Variants in RNF4 observed in about 807,000 individuals in gnomAD.
RNF4 encodes E3 ubiquitin-protein ligase RNF4.
Under a neutral mutation model 24.3 loss-of-function variants are expected in RNF4, and 7 were observed. The ratio of observed to expected loss-of-function variants is 0.29; its 90% CI spans 0.16 to 0.54. The LOEUF is 0.54. Ranked by LOEUF, RNF4 falls within the 20% of genes least tolerant of loss-of-function variation. RNF4 has a pLI of 0.95. For missense variants in RNF4, 209 were observed against 248.5 expected (o/e 0.84, Z 1.07); for synonymous variants, 83 against 84.3 (o/e 0.98, Z 0.09).
intron 1 of RNF4, chr4:2,489,896 A>G (rs1294998509): frequency 1.3e-5 from 2 of 152,156 alleles, no homozygotes; most frequent in Non-Finnish European, 2.9e-5. Context: ...GACACACAAC[A>G]TGCTTTAGAG....
At chr4:2,509,870 G>T (rs539504773) in intron 4 of RNF4, among the ~76,000 whole-genome samples, 13 of 152,252 alleles carry the variant, frequency 8.5e-5, no homozygotes, top group Non-Finnish European at 1.8e-4. Context: ...TGTTGGAGCT[G>T]TAGAAAGCTG....
chr4:2,495,488 G>C (rs1265412035), intron 2 of RNF4, among the ~76,000 whole-genome samples: 2 of 152,194 alleles, frequency 1.3e-5, no homozygotes, highest in Non-Finnish European at 2.9e-5. Flanking sequence ...CTGCAAGGCT[G>C]GTACTGGTGA....
At chr4:2,500,823 T>G (rs1735888149) in intron 4 of RNF4, 85 bp downstream of exon 4, 6 of 1,300,486 alleles carry the variant, frequency 4.6e-6, no homozygotes, top group Non-Finnish European at 4.4e-6. Context: ...GGTCACAGAC[T>G]CCAAGTCAAG....
At chr4:2,508,736 G>C (rs1168987607) in intron 4 of RNF4, among the ~76,000 whole-genome samples, 3 of 150,954 alleles carry the variant, frequency 2.0e-5, no homozygotes, top group African/African-American at 7.3e-5. Flanking sequence ...TCAGCCTCCT[G>C]AGTAGCTGGG....
chr4:2,506,497 T>A (rs1055787088), intron 4 of RNF4, among the ~76,000 whole-genome samples: 1 of 152,086 alleles, frequency 6.6e-6, no homozygotes, highest in African/African-American at 2.4e-5. Context: ...GGTTGCTTTT[T>A]AACAGCAAAT....
chr4:2,489,337 C>CAA (rs1026106052), intron 1 of RNF4, among the ~76,000 whole-genome samples: 1 of 152,178 alleles, frequency 6.6e-6, no homozygotes, highest in African/African-American at 2.4e-5. Flanking sequence ...AGGAGGATGA[C>CAA]ACGGCACAGC....
intron 1 of RNF4, among the ~76,000 whole-genome samples, chr4:2,488,455 AAAC>A (rs765401958): frequency 8.5e-5 from 13 of 152,160 alleles, no homozygotes; most frequent in East Asian, 7.7e-4. Context: ...TCCGTCTCAA[AAAC>A]AACAACAACA....
At chr4:2,475,575 A>T (rs1295564363) in intron 1 of RNF4, among the ~76,000 whole-genome samples, 4 of 152,096 alleles carry the variant, frequency 2.6e-5, no homozygotes, top group Admixed American at 2.0e-4. Flanking sequence ...CCTGACCTCA[A>T]GATCCACCCG....
intron 1 of RNF4, among the ~76,000 whole-genome samples, chr4:2,482,759 A>C (rs2081188926): frequency 6.6e-6 from 1 of 152,164 alleles, no homozygotes; most frequent in South Asian, 2.1e-4. Flanking sequence ...GCTTTGATCA[A>C]ATTCATTCCT....
chr4:2,474,177 C>T (rs1284934140), intron 1 of RNF4, among the ~76,000 whole-genome samples: 2 of 151,694 alleles, frequency 1.3e-5, no homozygotes, highest in African/African-American at 4.9e-5. Flanking sequence ...AGATTGAAAC[C>T]ATCCTGGCTA....
chr4:2,511,816 G>C, intron 4 of RNF4, 140 bp from the exon 5 acceptor site: 2 of 775,676 alleles, frequency 2.6e-6, no homozygotes, highest in South Asian at 1.6e-5. Flanking sequence ...TCTGTGGGTG[G>C]GAGGAGGGTG....
intron 2 of RNF4, among the ~76,000 whole-genome samples, chr4:2,492,393 C>G (rs1399692717): frequency 2.0e-5 from 3 of 152,134 alleles, no homozygotes; most frequent in Non-Finnish European, 2.9e-5. Context: ...TCTCCTGGAA[C>G]CCCTTGAGCT....
chr4:2,469,621 A>G (rs1734830278), intron 1 of RNF4: 1 of 152,206 alleles, frequency 6.6e-6, no homozygotes, highest in Non-Finnish European at 1.5e-5. Context: ...AGACCCGGGC[A>G]GGGTTTTTGT....
chr4:2,498,936 C>T (rs1438679067), intron 3 of RNF4, among the ~76,000 whole-genome samples: 1 of 151,758 alleles, frequency 6.6e-6, no homozygotes, highest in Non-Finnish European at 1.5e-5. Flanking sequence ...ATGGCTGGCT[C>T]CTATAATCCC....
At chr4:2,505,591 C>G (rs571183169) in intron 4 of RNF4, 1 of 151,486 alleles carries the variant, frequency 6.6e-6, no homozygotes, top group African/African-American at 2.4e-5. Flanking sequence ...TCCCAAAGTG[C>G]TGGGATTATA....
At position 2,512,635 on chromosome 4, in the gene RNF4, G is replaced by C. The variant is rs1480910799; in HGVS notation, c.374+38G>C. 6.2e-7 allele frequency: 1 copy of C among 1,608,750 alleles called. No homozygotes were observed. Among genetic ancestry groups the C allele is most frequent in the South Asian group, 1.1e-5 (1 of 90,550 alleles). ...CCCCAGCTCTGCTGCCGCCATGCTA[G>C]GATGTGGGGCCAGGGCATGGGAATA... On this transcript the variant is annotated intron_variant, in intron 6 of 7. Coordinates refer to ENST00000314289, the MANE Select transcript of RNF4 (RefSeq NM_002938.5). The surrounding 1 kb of genome is among the most constrained non-coding windows in gnomAD (Gnocchi z 4.1).
At chr4:2,493,468 C>T (rs990061713) in intron 2 of RNF4, among the ~76,000 whole-genome samples, 6 of 152,076 alleles carry the variant, frequency 3.9e-5, no homozygotes, top group Non-Finnish European at 1.5e-5. Context: ...TGGAGGTCTG[C>T]TTAGCAGTGC....
chr4:2,504,200 T>C (rs1735998648), intron 4 of RNF4, among the ~76,000 whole-genome samples: 1 of 152,218 alleles, frequency 6.6e-6, no homozygotes, highest in Non-Finnish European at 1.5e-5. Flanking sequence ...ATTTGATTAG[T>C]TTCCCTCAAA....
At chr4:2,507,782 G>A (rs1410980599) in intron 4 of RNF4, among the ~76,000 whole-genome samples, 1 of 152,118 alleles carries the variant, frequency 6.6e-6, no homozygotes, top group Non-Finnish European at 1.5e-5. Flanking sequence ...TCTGACCTAT[G>A]GACTGTTGTC....
Sources: gnomAD v4.1 joint callset for allele counts (sites outside exome capture counted in the v4.1 genomes callset) on GRCh38, gnomAD v4.1.1 for gene constraint, Gnocchi (gnomAD v3.1) non-coding constraint, MANE v1.5 for transcripts, NCBI Gene and HGNC (gene_info 2026-07-23, HGNC 2026-07-21) for gene names.